The following PIKFYVE variants were observed in gnomAD, a reference collection of about 807,000 sequenced individuals.
PIKFYVE encodes the protein phosphoinositide kinase, FYVE-type zinc finger containing, also known as 1-phosphatidylinositol 3-phosphate 5-kinase.
A neutral mutation model predicts 257.9 loss-of-function variants in PIKFYVE; 122 were observed. The ratio of observed to expected loss-of-function variants is 0.47; its 90% CI spans 0.41 to 0.55. PIKFYVE has a LOEUF of 0.55. Ranked by LOEUF, PIKFYVE falls within the 20% of genes least tolerant of loss-of-function variation. The pLI, the probability that PIKFYVE is intolerant of heterozygous loss-of-function variation, is 0.00. For missense variants in PIKFYVE, 2,160 were observed against 2,536.6 expected (o/e 0.85, Z 3.19); for synonymous variants, 892 against 868.9 (o/e 1.03, Z -0.47).
intron 35 of PIKFYVE, 67 bp downstream of exon 35, chr2:208,348,090 T>C: frequency 1.3e-6 from 2 of 1,555,742 alleles, no homozygotes; most frequent in Middle Eastern, 1.7e-4. Context: ...TGCATATATT[T>C]CTTATAGCCT....
chr2:208,350,913 A>T lies in PIKFYVE; in HGVS notation c.5577A>T (p.Gly1859=). 6.2e-7 allele frequency: 1 copy of T among 1,614,092 alleles called. No individual in the cohort carries two copies. Among genetic ancestry groups the T allele is most frequent in the Admixed American group, 1.7e-5 (1 of 60,012 alleles). The change falls in exon 37 of 42, where the codon GGA becomes GGT. Residue 1859 remains glycine, a synonymous_variant. Coordinates refer to ENST00000264380, the MANE Select transcript of PIKFYVE (RefSeq NM_015040.4). ...ACTCATCACCCTGGCAGGCCCGGGG[A>T]GGCAAATCAGGAGCTGCCTTCTATG... The part of the protein sequence containing the change: ...LSHSSPWQAR[G]GKSGAAFYAT...
At chr2:208,269,946 C>A in intron 1 of PIKFYVE, 1 of 239,216 alleles carries the variant, frequency 4.2e-6, no homozygotes. Context: ...CCAGAATATC[C>A]TTGGGAGGCA....
In PIKFYVE at chr2:208,310,805, G is replaced by C. The variant is rs144645258; in HGVS notation, c.1637-1431G>C. On this transcript the variant is annotated intron_variant, in intron 12 of 41. Transcript: ENST00000264380. ...GATACAGGAACCAAATGCCATGTGTGAACTTGATTGCATCGAGGCTTAAGA... is the reference window on the plus strand; with the variant it reads ...GATACAGGAACCAAATGCCATGTGTCAACTTGATTGCATCGAGGCTTAAGA... Among the ~76,000 whole-genome samples the C allele has an allele frequency of 8.1e-3, 1,233 of 152,326 alleles. 15 individuals carry two copies. Among genetic ancestry groups the C allele is most frequent in the African/African-American group, 0.028 (1,168 of 41,576 alleles).
chr2:208,323,810 T>C (rs2125566329), intron 17 of PIKFYVE, among the ~76,000 whole-genome samples: 1 of 152,352 alleles, frequency 6.6e-6, no homozygotes, highest in East Asian at 1.9e-4. Flanking sequence ...TTCTATCTGG[T>C]GTGAGATGGT....
chr2:208,353,231 TGCTTTCTTCATTGAGA>T (rs1411656165), intron 39 of PIKFYVE, among the ~76,000 whole-genome samples: 1 of 152,268 alleles, frequency 6.6e-6, no homozygotes, highest in Non-Finnish European at 1.5e-5. Flanking sequence ...TTCAGTTCAC[TGCTTTCTTCATTGAGA>T]ACACCTTCTA....
intron 24 of PIKFYVE, among the ~76,000 whole-genome samples, chr2:208,335,020 G>A (rs1175090290): frequency 6.6e-6 from 1 of 151,966 alleles, no homozygotes; most frequent in Non-Finnish European, 1.5e-5. Context: ...TTATTAATAG[G>A]GATGGTTTAT....
Position 208,333,313 on chromosome 2 carries a change from A to T in PIKFYVE, c.3964-2A>T. 6.2e-7 allele frequency: 1 copy of T among 1,613,788 alleles called. No individual in the cohort carries two copies. Among genetic ancestry groups the T allele is most frequent in the Non-Finnish European group, 8.5e-7 (1 of 1,179,802 alleles). ...AGGTAAACTATTTTTGCTGAATTCC[A>T]GGTAACACCAGTTGTTGCTCTTTCC... is the stretch of plus-strand genomic sequence containing the variant. On this transcript the variant is annotated splice_acceptor_variant, in intron 23 of 41. Coordinates refer to ENST00000264380, the MANE Select transcript of PIKFYVE (RefSeq NM_015040.4). LOFTEE classifies it high-confidence loss of function.
At chr2:208,324,092 C>T (rs1696632417) in intron 17 of PIKFYVE, 50 bp from the exon 18 acceptor site, 1 of 1,587,220 alleles carries the variant, frequency 6.3e-7, no homozygotes. Flanking sequence ...TTTAATATGT[C>T]CAGATACTGC....
In PIKFYVE at chr2:208,335,842, A is replaced by C. The variant is rs1419273396; in HGVS notation, c.4306A>C (p.Thr1436Pro). The C allele has an allele frequency of 6.2e-7, 1 of 1,613,142 alleles. No homozygotes were observed. The highest frequency in any genetic ancestry group is 8.5e-7 in the Non-Finnish European group (1 of 1,179,490). The change falls in exon 26 of 42, where the codon ACT (threonine) becomes CCT (proline). Residue 1436 changes from threonine (T) to proline (P), a missense_variant. Thr to Pro is a conservative substitution (Grantham distance 38). Transcript: ENST00000264380. The part of the protein sequence containing the change: ...AIDERLASLK[T>P]DTFSKTREEK... ...TGATGAAAGACTTGCATCTTTGAAA[A>C]CTGATACATTTAGTAAAACAAGAGA...
chr2:208,306,789 T>TTCC (rs111291579), intron 12 of PIKFYVE, among the ~76,000 whole-genome samples: 3 of 145,564 alleles, frequency 2.1e-5, no homozygotes, highest in African/African-American at 5.0e-5. Context: ...TTTTTTTTTT[T>TTCC]TTCTAAGAGA....
chr2:208,318,514 T>G (rs1004086326), intron 16 of PIKFYVE, among the ~76,000 whole-genome samples: 1 of 152,232 alleles, frequency 6.6e-6, no homozygotes, highest in Non-Finnish European at 1.5e-5. Context: ...TTGAACTTTA[T>G]TCTGAAATCT....
chr2:208,298,126 C>T (rs779049959), intron 7 of PIKFYVE, among the ~76,000 whole-genome samples: 16 of 152,028 alleles, frequency 1.1e-4, no homozygotes, highest in Non-Finnish European at 2.1e-4. Flanking sequence ...ACTATAAAAC[C>T]TTCTTAGTTC....
chr2:208,298,607 C>G, intron 7 of PIKFYVE, 34 bp from the exon 8 acceptor site: 1 of 1,611,876 alleles, frequency 6.2e-7, no homozygotes, highest in Non-Finnish European at 8.5e-7. Context: ...GAAGAATTTA[C>G]ACCTGTGATT....
chr2:208,328,372 T>C, intron 21 of PIKFYVE, 92 bp downstream of exon 21: 2 of 1,466,662 alleles, frequency 1.4e-6, no homozygotes, highest in Non-Finnish European at 1.9e-6. Flanking sequence ...CATTAGGACC[T>C]GTATTTAGGT....
chr2:208,309,480 T>C (rs1694721120), intron 12 of PIKFYVE, among the ~76,000 whole-genome samples: 2 of 152,220 alleles, frequency 1.3e-5, no homozygotes, highest in South Asian at 2.1e-4. Context: ...TTAGTGGCCA[T>C]ATAATGTCTA....
chr2:208,321,570 C>CTTTTCTTTTCTTTTTTT (rs1559120628), intron 17 of PIKFYVE, among the ~76,000 whole-genome samples: 2 of 10,598 alleles, frequency 1.9e-4, no homozygotes, highest in Non-Finnish European at 5.6e-4. Context: ...TTTTTCTTTT[C>CTTTTCTTTTCTTTTTTT]TTTTGTTTTT....
chr2:208,274,222 C>T (rs6705163), intron 3 of PIKFYVE, among the ~76,000 whole-genome samples: 146,168 of 152,288 alleles, frequency 0.96, 70,299 homozygotes, highest in East Asian at 1. Context: ...GCTGAATAAG[C>T]TGAGCTCCTC....
At chr2:208,289,687 C>T (rs1254335867) in intron 7 of PIKFYVE, among the ~76,000 whole-genome samples, 3 of 152,178 alleles carry the variant, frequency 2.0e-5, no homozygotes, top group Non-Finnish European at 2.9e-5. Context: ...ACCTCGGCCT[C>T]CCAAAGTGTT....
intron 25 of PIKFYVE, 40 bp from the exon 26 acceptor site, chr2:208,335,753 T>A (rs1397277630): frequency 6.9e-7 from 1 of 1,446,826 alleles, no homozygotes; most frequent in Non-Finnish European, 9.7e-7. Context: ...AAAATTTGAT[T>A]CACCCTTTCT....
Sources: gnomAD v4.1 joint callset for allele counts (sites outside exome capture counted in the v4.1 genomes callset) on GRCh38, gnomAD v4.1.1 for gene constraint, MANE v1.5 for transcripts, NCBI Gene and HGNC (gene_info 2026-07-23, HGNC 2026-07-21) for gene names.